Variants in KLHL17 observed in about 807,000 individuals in gnomAD.
KLHL17 encodes kelch-like protein 17.
A neutral mutation model predicts 64.6 loss-of-function variants in KLHL17; 71 were observed. That is an observed-to-expected ratio of 1.10 (90% CI 0.91 to 1.34). The LOEUF is 1.34. Ranked by LOEUF, KLHL17 falls within the 40% of genes most tolerant of loss-of-function variation. The pLI is 0.00. For missense variants in KLHL17, 1,140 were observed against 935.0 expected, an observed-to-expected ratio of 1.22 and a Z score of -2.86; for synonymous variants, 612 against 405.4, an observed-to-expected ratio of 1.51 and a Z score of -6.12.
At chr1:963,640 C>T in intron 8 of KLHL17, 136 bp downstream of exon 8, 1 of 1,038,982 alleles carries the variant, frequency 9.6e-7, no homozygotes, top group East Asian at 2.6e-5. Context: ...CAGGCCACTG[C>T]CACACTGGGC....
In KLHL17 at chr1:965,058, C is replaced by T. The variant is rs931560326; in HGVS notation, c.1796C>T (p.Pro599Leu). The T allele has an allele frequency of 7.4e-6, 12 of 1,612,620 alleles. No homozygotes were observed. The highest frequency in any genetic ancestry group is 1.7e-5 in the Admixed American group (1 of 60,008). The change falls in exon 12 of 12, where the codon CCG (proline) becomes CTG (leucine). Residue 599 changes from proline to leucine, a missense_variant. Coordinates refer to ENST00000338591, the MANE Select transcript of KLHL17 (RefSeq NM_198317.3). ...SSLNSIEKYN[P>L]RTNKWVAASC... ...CTCAACTCCATCGAGAAGTACAACC[C>T]GAGGACCAACAAGTGGGTGGCCGCA...
rs1478023312 is a variant in KLHL17, at chr1:961,483, G to A, written c.298G>A (p.Ala100Thr). 6.2e-7 allele frequency: 1 copy of A among 1,612,520 alleles called. No individual in the cohort carries two copies. Among genetic ancestry groups the A allele is most frequent in the Non-Finnish European group, 8.5e-7 (1 of 1,179,926 alleles). Residue 100 changes from alanine (A) to threonine (T), a missense_variant, in exon 2 of 12, where the codon GCC (alanine) becomes ACC (threonine). Coordinates refer to ENST00000338591, the MANE Select transcript of KLHL17 (RefSeq NM_198317.3). ...GTGCGACATCGTCCTGCACGTGGCT[G>A]CCAAGGAGATCCGTGCGCACAAAGT... is the stretch of plus-strand genomic sequence containing the variant. ...LLCDIVLHVA[A>T]KEIRAHKVVL...
In KLHL17 at chr1:961,396, T is replaced by A. The variant is rs1224613048; in HGVS notation, c.211T>A (p.Ser71Thr). ...CGAGGGCCACAGCGTGGCCCACAACTCCAAGCGGCACTACCACGATGCCTT... is the reference window on the plus strand; with the variant it reads ...CGAGGGCCACAGCGTGGCCCACAACACCAAGCGGCACTACCACGATGCCTT... The part of the protein sequence containing the change: ...SREGHSVAHN[S>T]KRHYHDAFVA... The change falls in exon 2 of 12, where the codon TCC becomes ACC. Residue 71 changes from serine to threonine, a missense_variant. By Grantham distance (58) the Ser-to-Thr change is moderately conservative (BLOSUM62 1). Coordinates refer to ENST00000338591, the MANE Select transcript of KLHL17 (RefSeq NM_198317.3). 1 of 1,609,258 alleles carries A rather than the reference T, an allele frequency of 6.2e-7. No individual in the cohort carries two copies. The highest frequency in any genetic ancestry group is 8.5e-7 in the Non-Finnish European group (1 of 1,178,868).
chr1:963,578 G>A lies in KLHL17; in HGVS notation c.1355+74G>A, dbSNP rs986683112. On this transcript the variant is annotated intron_variant, in intron 8 of 11. Coordinates refer to ENST00000338591, the MANE Select transcript of KLHL17 (RefSeq NM_198317.3). ...GGCAAGTTTGTGTCACCATCACAGG[G>A]GTCGTATCTGATGGGGTGTTAAAGG... The A allele has an allele frequency of 2.5e-5, 37 of 1,478,828 alleles. No homozygotes were observed. The African/African-American group carries it at 2.9e-4, about 12-fold the overall frequency. 91.6% of individuals were successfully genotyped at this position (1,478,828 alleles called of 1,614,324 possible). A position where few individuals can be genotyped will look rare whatever the true frequency, so the allele number is the denominator to read the frequency against.
chr1:962,938 C>A, intron 6 of KLHL17, 21 bp downstream of exon 6: 1 of 1,531,228 alleles, frequency 6.5e-7, no homozygotes, highest in South Asian at 1.2e-5. Flanking sequence ...CCGCCCGTTT[C>A]CCTCTTGCCC....
chr1:964,271 C>T (rs544433919), intron 10 of KLHL17, 78 bp from the exon 11 acceptor site: 2 of 1,592,750 alleles, frequency 1.3e-6, no homozygotes, highest in East Asian at 2.3e-5. Flanking sequence ...TTCCTGACAC[C>T]CCACCCTGGA....
In KLHL17 at chr1:962,441, C is replaced by T. The variant is rs577749915; in HGVS notation, c.798C>T (p.Asp266=). ...YRAVLSWVKH[D]VDARRQHVPR... The stretch of plus-strand genomic sequence containing the variant: ...CCGTCCTGAGCTGGGTGAAACACGA[C>T]GTGGACGCCCGCAGGCAGCATGTCC... Residue 266 remains aspartate (D), a synonymous_variant, in exon 5 of 12, where the codon GAC becomes GAT. Transcript: ENST00000338591. 37 of 1,612,698 alleles carry T rather than the reference C, an allele frequency of 2.3e-5. No individual in the cohort carries two copies. In the South Asian group the frequency reaches 2.6e-4, roughly 11 times the overall value.
Position 964,456 on chromosome 1 carries a change from C to T in KLHL17, c.1626C>T (p.Ser542=). ...TGGCAGGGGGCAACGACGGCACCAG[C>T]TGCCTCAACTCGGTAGAGAGATACA... ...LYVAGGNDGT[S]CLNSVERYSP... is the part of the protein sequence containing the mutation. The change falls in exon 11 of 12, where the codon AGC becomes AGT. Residue 542 remains serine, a synonymous_variant. Transcript: ENST00000338591. 6.5e-7 allele frequency: 1 copy of T among 1,546,886 alleles called. No individual in the cohort carries two copies. The highest frequency in any genetic ancestry group is 8.7e-7 in the Non-Finnish European group (1 of 1,146,086).
chr1:963,740 C>T (rs1199038433), intron 8 of KLHL17, 180 bp from the exon 9 acceptor site: 2 of 842,392 alleles, frequency 2.4e-6, no homozygotes, highest in African/African-American at 1.7e-5. Flanking sequence ...GGTGTGCACC[C>T]AGGGTTGTTC....
chr1:961,431 G>A lies in KLHL17; in HGVS notation c.246G>A (p.Met82Ile). Residue 82 changes from methionine (M) to isoleucine (I), a missense_variant, in exon 2 of 12, where the codon ATG (methionine) becomes ATA (isoleucine). Coordinates refer to ENST00000338591, the MANE Select transcript of KLHL17 (RefSeq NM_198317.3). Reference sequence around the variant, plus strand: ...ACTACCACGATGCCTTCGTGGCCATGAGCCGCATGCGCCAGCGCGGCCTCC... The same window carrying A: ...ACTACCACGATGCCTTCGTGGCCATAAGCCGCATGCGCCAGCGCGGCCTCC... ...KRHYHDAFVA[M>I]SRMRQRGLLC... 1 of 1,612,058 alleles carries A rather than the reference G, an allele frequency of 6.2e-7. No homozygotes were observed. Among genetic ancestry groups the A allele is most frequent in the Non-Finnish European group, 8.5e-7 (1 of 1,179,736 alleles).
Position 960,664 on chromosome 1 carries a change from C to G in KLHL17, c.-30C>G, listed in dbSNP as rs892266628. 1.9e-5 allele frequency: 26 copies of G among 1,357,468 alleles called. No individual in the cohort carries two copies. The highest frequency in any genetic ancestry group is 2.5e-5 in the Non-Finnish European group (26 of 1,049,796). 84.1% of individuals were successfully genotyped at this position (1,357,468 alleles called of 1,614,324 possible). On this transcript the variant is annotated 5_prime_UTR_variant, in exon 1 of 12. Transcript: ENST00000338591. ...CGCGTCCGTTAAGCCCGCGGGTCCT[C>G]CGCGAATCGGCGGTGGGTCCGGCAG... is the stretch of plus-strand genomic sequence containing the variant.
rs1569999027 is a variant in KLHL17, at chr1:965,380, A to C, written c.*189A>C. 1 of 607,334 alleles carries C rather than the reference A, an allele frequency of 1.6e-6. No homozygotes were observed. Among genetic ancestry groups the C allele is most frequent in the African/African-American group, 1.9e-5 (1 of 53,832 alleles). 37.6% of individuals were successfully genotyped at this position (607,334 alleles called of 1,614,324 possible). A position where few individuals can be genotyped will look rare whatever the true frequency, so the allele number is the denominator to read the frequency against. ...AGGAGTGCCACGGCTGCCCGTTTAC[A>C]CCTTTAGCGTCTGGTCCTCCTGCGT... On this transcript the variant is annotated 3_prime_UTR_variant, in exon 12 of 12. Transcript: ENST00000338591.
Position 963,998 on chromosome 1 carries a change from G to A in KLHL17, c.1434G>A (p.Val478=). 6.2e-7 allele frequency: 1 copy of A among 1,612,620 alleles called. No homozygotes were observed. Among genetic ancestry groups the A allele is most frequent in the Non-Finnish European group, 8.5e-7 (1 of 1,179,932 alleles). ...AMSTRRRYVR[V]ATLDGNLYAV... ...GCACCCGGAGGCGCTATGTGCGAGT[G>A]GCCACGCTTGGTGGGTGATGGGGCC... The change falls in exon 9 of 12, where the codon GTG becomes GTA. Residue 478 remains valine, a synonymous_variant. Transcript: ENST00000338591.
At position 963,513 on chromosome 1, in the gene KLHL17, G is replaced by C. The variant is rs573548988; in HGVS notation, c.1355+9G>C. ...GCCTCCTGCCTGAACAGGTAGTTGG[G>C]GTTGGGGCCCCAGTGGCTTTGTACA... On this transcript the variant is annotated intron_variant, in intron 8 of 11. Coordinates refer to ENST00000338591, the MANE Select transcript of KLHL17 (RefSeq NM_198317.3). The C allele has an allele frequency of 2.5e-6, 4 of 1,601,026 alleles. No individual in the cohort carries two copies. In the East Asian group the frequency reaches 9.0e-5, roughly 36 times the overall value.
rs745587736 is a variant in KLHL17 at position 961,458 on chromosome 1, G to C, written c.273G>C (p.Leu91=). ...GCCGCATGCGCCAGCGCGGCCTCCTGTGCGACATCGTCCTGCACGTGGCTG... is the reference window on the plus strand; with the variant it reads ...GCCGCATGCGCCAGCGCGGCCTCCTCTGCGACATCGTCCTGCACGTGGCTG... ...AMSRMRQRGL[L]CDIVLHVAAK... is the part of the protein sequence containing the mutation. Residue 91 remains leucine, a synonymous_variant, in exon 2 of 12, where the codon CTG becomes CTC. Coordinates refer to ENST00000338591, the MANE Select transcript of KLHL17 (RefSeq NM_198317.3). The C allele has an allele frequency of 3.7e-6, 6 of 1,612,416 alleles. No individual in the cohort carries two copies. The highest frequency in any genetic ancestry group is 5.1e-6 in the Non-Finnish European group (6 of 1,179,880).
chr1:962,275 C>T (rs907031991), intron 4 of KLHL17, 80 bp from the exon 5 acceptor site: 70 of 1,605,302 alleles, frequency 4.4e-5, no homozygotes, highest in Admixed American at 1.7e-4. Context: ...CCTGCTAACC[C>T]TCCCTCCTAG....
Position 964,959 on chromosome 1 carries a change from C to G in KLHL17, c.1701-4C>G. ...GCCAGGGGCTCACCCCGCCTTCCCCCCAGGAGCACGCATGACCTGGTGGCC... is the reference window on the plus strand; with the variant it reads ...GCCAGGGGCTCACCCCGCCTTCCCCGCAGGAGCACGCATGACCTGGTGGCC... On this transcript the variant is annotated splice_region_variant and splice_polypyrimidine_tract_variant and intron_variant, in intron 11 of 11. Coordinates refer to ENST00000338591, the MANE Select transcript of KLHL17 (RefSeq NM_198317.3). The G allele has an allele frequency of 6.3e-7, 1 of 1,595,392 alleles. No individual in the cohort carries two copies. Among genetic ancestry groups the G allele is most frequent in the Non-Finnish European group, 8.6e-7 (1 of 1,167,816 alleles).
rs139584338 is a variant in KLHL17 at position 962,757 on chromosome 1, C to T, written c.882C>T (p.His294=). 13 of 1,610,928 alleles carry T rather than the reference C, an allele frequency of 8.1e-6. No individual in the cohort carries two copies. The highest frequency in any genetic ancestry group is 2.2e-5 in the East Asian group (1 of 44,884). ...TGAGCCGCGACTTCCTGCTGGGCCA[C>T]GTGGATGCCGAGAGCCTGGTGAGGC... ...PLLSRDFLLG[H]VDAESLVRHH... Residue 294 remains histidine (H), a synonymous_variant, in exon 6 of 12, where the codon CAC becomes CAT. Coordinates refer to ENST00000338591, the MANE Select transcript of KLHL17 (RefSeq NM_198317.3).
At chr1:964,822 G>T in intron 11 of KLHL17, 141 bp from the exon 12 acceptor site, 1 of 669,528 alleles carries the variant, frequency 1.5e-6, no homozygotes, top group Non-Finnish European at 2.5e-6. Context: ...AGGGGGGCGC[G>T]GGTCCGCAGT....
Sources: gnomAD v4.1 joint callset for allele counts on GRCh38, gnomAD v4.1.1 for gene constraint, MANE v1.5 for transcripts, NCBI Gene and HGNC (gene_info 2026-07-23, HGNC 2026-07-21) for gene names.